Variants in RILPL2 observed in about 807,000 individuals in gnomAD.
RILPL2 encodes the protein RILP-like protein 2.
A neutral mutation model predicts 22.2 loss-of-function variants in RILPL2; 19 were observed. The observed-to-expected ratio is 0.86, with a 90% confidence interval of 0.60 to 1.25. The LOEUF is 1.25. RILPL2 is among the 50% of genes most tolerant of loss of function. The pLI is 0.00. For synonymous variants in RILPL2, 123 were observed against 111.6 expected (o/e 1.10, Z -0.64); for missense variants, 243 against 263.6 (o/e 0.92, Z 0.54).
intron 2 of RILPL2, among the ~76,000 whole-genome samples, chr12:123,430,205 C>G (rs560102485): frequency 2.0e-4 from 30 of 146,864 alleles, no homozygotes; most frequent in East Asian, 1.2e-3. Flanking sequence ...GTCAGGAGAT[C>G]GAGACCATTC....
chr12:123,417,202 G>A (rs1279255416), intron 3 of RILPL2, among the ~76,000 whole-genome samples: 1 of 151,848 alleles, frequency 6.6e-6, no homozygotes, highest in African/African-American at 2.4e-5. Flanking sequence ...GGGAGGCTGA[G>A]GTGGGAGGAT....
chr12:123,423,125 C>G lies in RILPL2; in HGVS notation c.524G>C (p.Gly175Ala), dbSNP rs1213382922. ...AACCACAGCATCTTTTTCTCTTCTT[C>G]CTCCTGGGCCTTCTCTTGGTGGAAT... is the stretch of plus-strand genomic sequence containing the variant. ...GLIPPREGPG[G>A]RREKDAVVTS... Residue 175 changes from glycine (G) to alanine (A), a missense_variant, in exon 3 of 4, where the codon GGA (glycine) becomes GCA (alanine). Physicochemically the swap from Gly to Ala is moderately conservative, Grantham distance 60. Coordinates refer to ENST00000280571, the MANE Select transcript of RILPL2 (RefSeq NM_145058.3). 2.5e-6 allele frequency: 4 copies of G among 1,613,730 alleles called. No individual in the cohort carries two copies. In the East Asian group the frequency reaches 8.9e-5, roughly 36 times the overall value.
chr12:123,427,554 T>A (rs1234185999), intron 2 of RILPL2, among the ~76,000 whole-genome samples: 2 of 152,036 alleles, frequency 1.3e-5, no homozygotes, highest in Non-Finnish European at 2.9e-5. Flanking sequence ...TATACTTTTT[T>A]TTTTTTGAGA....
chr12:123,436,574 G>GCCGC lies in RILPL2; in HGVS notation c.-158_-155dup. On this transcript the variant is annotated 5_prime_UTR_variant, in exon 1 of 4. Transcript: ENST00000280571. This position sits in a 1 kb window ranked among gnomAD's most constrained non-coding sequence, Gnocchi z 6.7. Reference sequence around the variant, plus strand: ...TGGGCCCGGGGGGATGGTGCAAGGGGCCGCGCACGCGACTCTTGGGCCTGC... The same window carrying GCCGC: ...TGGGCCCGGGGGGATGGTGCAAGGGGCCGCCCGCGCACGCGACTCTTGGGCCTGC... 1 of 1,240,358 alleles carries GCCGC rather than the reference G, an allele frequency of 8.1e-7. No homozygotes were observed. Among genetic ancestry groups the GCCGC allele is most frequent in the Non-Finnish European group, 1.1e-6 (1 of 922,860 alleles). The allele number at this position is 1,240,358 out of a possible 1,614,324, so 76.8% of individuals were successfully genotyped here.
At chr12:123,435,567 A>C (rs1464946161) in intron 1 of RILPL2, among the ~76,000 whole-genome samples, 2 of 150,012 alleles carry the variant, frequency 1.3e-5, no homozygotes, top group African/African-American at 4.9e-5. Context: ...TGAGACCCCC[A>C]TCTCTACAAA....
intron 3 of RILPL2, among the ~76,000 whole-genome samples, chr12:123,421,280 A>G (rs1332608153): frequency 1.3e-5 from 2 of 151,748 alleles, no homozygotes; most frequent in African/African-American, 4.8e-5. Context: ...ATGACCTCAA[A>G]TGATCCACCC....
At chr12:123,435,095 G>A (rs569166062) in intron 1 of RILPL2, among the ~76,000 whole-genome samples, 1 of 151,798 alleles carries the variant, frequency 6.6e-6, no homozygotes, top group South Asian at 2.1e-4. Flanking sequence ...CAGGAGAATC[G>A]CTTGAATCCA....
Position 123,424,331 on chromosome 12 carries a change from ATT to A in RILPL2, c.492-1176_492-1175del, listed in dbSNP as rs56046247. 1.6e-4 allele frequency among the ~76,000 whole-genome samples: 22 copies of A among 135,146 alleles called. No individual in the cohort carries two copies. In the East Asian group the frequency reaches 1.8e-3, roughly 11 times the overall value. The allele number at this position is 135,146 out of a possible 152,430, so 88.7% of individuals were successfully genotyped here. On this transcript the variant is annotated intron_variant, in intron 2 of 3. Coordinates refer to ENST00000280571, the MANE Select transcript of RILPL2 (RefSeq NM_145058.3). The stretch of plus-strand genomic sequence containing the variant: ...TAAGTCAGATGTTGATAAGAGTTAG[ATT>A]TTTTTTTTTTTTTTTTGAGACAGAG...
At chr12:123,433,134 G>A (rs982926370) in intron 1 of RILPL2, among the ~76,000 whole-genome samples, 5 of 142,318 alleles carry the variant, frequency 3.5e-5, no homozygotes, top group Middle Eastern at 3.8e-3. Flanking sequence ...AGACGAAGTC[G>A]TCTCGCTCTG....
At chr12:123,409,323 GAAAC>G in the RILPL2 span, 1 of 152,530 alleles carries the variant, frequency 6.6e-6, no homozygotes, top group Non-Finnish European at 1.5e-5. Context: ...TCATAAAAAT[GAAAC>G]AAATTAAAAT....
At chr12:123,428,995 A>AAT (rs1200611364) in intron 2 of RILPL2, among the ~76,000 whole-genome samples, 2 of 152,192 alleles carry the variant, frequency 1.3e-5, no homozygotes, top group African/African-American at 4.8e-5. Flanking sequence ...CTTTTCAAAA[A>AAT]ATACCTAAGT....
downstream of RILPL2, chr12:123,411,718 G>A (rs1241085149): frequency 6.6e-6 from 1 of 151,648 alleles, no homozygotes; most frequent in Non-Finnish European, 1.5e-5. Flanking sequence ...TAGAGACAGG[G>A]TTTCACCTTC....
At chr12:123,431,917 CAG>C (rs1362569009) in intron 1 of RILPL2, among the ~76,000 whole-genome samples, 1 of 151,010 alleles carries the variant, frequency 6.6e-6, no homozygotes, top group African/African-American at 2.4e-5. Context: ...TCTTTTGAGA[CAG>C]AGTCTTGCTC....
At chr12:123,413,134 T>G (rs1879018421), downstream of RILPL2, 1 of 153,250 alleles carries the variant, frequency 6.5e-6, no homozygotes, top group Non-Finnish European at 1.5e-5. Flanking sequence ...AGGCAGAGAT[T>G]GCAGTGAACC....
chr12:123,409,969 G>A, the RILPL2 span, among the ~76,000 whole-genome samples: 3 of 151,808 alleles, frequency 2.0e-5, no homozygotes, highest in African/African-American at 7.3e-5. Flanking sequence ...CAAGTGATCT[G>A]CCCGCCTTGG....
chr12:123,424,400 C>T (rs983882922), intron 2 of RILPL2, among the ~76,000 whole-genome samples: 47 of 148,416 alleles, frequency 3.2e-4, no homozygotes, highest in Admixed American at 7.6e-4. Context: ...GGCACGATCT[C>T]GGCTCACCGT....
chr12:123,415,643 A>G lies in RILPL2; in HGVS notation c.*248T>C. 1 of 600,710 alleles carries G rather than the reference A, an allele frequency of 1.7e-6. No homozygotes were observed. Among genetic ancestry groups the G allele is most frequent in the East Asian group, 2.8e-5 (1 of 36,292 alleles). 37.2% of individuals were successfully genotyped at this position (600,710 alleles called of 1,614,324 possible). A position where few individuals can be genotyped will look rare whatever the true frequency, so the allele number is the denominator to read the frequency against. On this transcript the variant is annotated 3_prime_UTR_variant, in exon 4 of 4. Transcript: ENST00000280571. ...CAGGAAGTGGACCCCCCCACCCTGCACATCCCTTCTGTTTTTCTTGATTTC... is the reference window on the plus strand; with the variant it reads ...CAGGAAGTGGACCCCCCCACCCTGCGCATCCCTTCTGTTTTTCTTGATTTC...
Position 123,423,119 on chromosome 12 carries a change from C to T in RILPL2, c.530G>A (p.Arg177Lys). 1 of 1,613,526 alleles carries T rather than the reference C, an allele frequency of 6.2e-7. No homozygotes were observed. The highest frequency in any genetic ancestry group is 8.5e-7 in the Non-Finnish European group (1 of 1,179,900). Residue 177 changes from arginine to lysine, a missense_variant, in exon 3 of 4, where the codon AGA becomes AAA. Arg to Lys is a conservative substitution (Grantham distance 26). Coordinates refer to ENST00000280571, the MANE Select transcript of RILPL2 (RefSeq NM_145058.3). ...ACTAGTAACCACAGCATCTTTTTCT[C>T]TTCTTCCTCCTGGGCCTTCTCTTGG... ...IPPREGPGGR[R>K]EKDAVVTSAK...
At chr12:123,421,985 T>C (rs2139237742) in intron 3 of RILPL2, among the ~76,000 whole-genome samples, 1 of 148,818 alleles carries the variant, frequency 6.7e-6, no homozygotes, top group Non-Finnish European at 1.5e-5. Context: ...TTATCATTTT[T>C]GTTTTCTTTC....
Sources: allele counts gnomAD v4.1 joint callset (sites outside exome capture counted in the v4.1 genomes callset), GRCh38; gene constraint gnomAD v4.1.1; non-coding constraint Gnocchi (gnomAD v3.1); transcripts MANE v1.5; gene names NCBI Gene and HGNC (gene_info 2026-07-23, HGNC 2026-07-21).